Variants in ITGBL1 observed in about 807,000 individuals in gnomAD.
The protein encoded by ITGBL1 is integrin beta-like protein 1.
Under a neutral mutation model 68.5 loss-of-function variants are expected in ITGBL1, and 51 were observed. That is an observed-to-expected ratio of 0.74 (90% CI 0.59 to 0.94). ITGBL1 has a LOEUF of 0.94. ITGBL1 is among the 40% of genes least tolerant of loss of function. The probability of loss-of-function intolerance (pLI) is 0.00; values close to 1 mark genes in which losing one functional copy is unlikely to be tolerated. For synonymous variants in ITGBL1, 209 were observed against 227.3 expected, an observed-to-expected ratio of 0.92 and a Z score of 0.72; for missense variants, 649 against 647.4, an observed-to-expected ratio of 1.00 and a Z score of -0.03.
intron 7 of ITGBL1, among the ~76,000 whole-genome samples, chr13:101,678,475 A>G (rs1335070244): frequency 6.6e-6 from 1 of 150,972 alleles, no homozygotes; most frequent in Admixed American, 6.6e-5. Context: ...TGAAATGTGT[A>G]TTAAGGAAGT....
At chr13:101,642,882 A>G (rs1233610047) in intron 7 of ITGBL1, among the ~76,000 whole-genome samples, 53 of 151,592 alleles carry the variant, frequency 3.5e-4, no homozygotes, top group African/African-American at 1.0e-3. Flanking sequence ...GTAGATATGC[A>G]GCGTTATTTC....
rs550938527 is a variant in ITGBL1, at chr13:101,499,154, A to G, written c.316+45054A>G. ...TTCAGGCACAATTTTGCCTTGTGTT[A>G]TCTGTGCTCTAAGTTCATGCTGCTT... On this transcript the variant is annotated intron_variant, in intron 2 of 10. Coordinates refer to ENST00000376180, the MANE Select transcript of ITGBL1 (RefSeq NM_004791.3). Among the ~76,000 whole-genome samples, 231 of 152,290 alleles carry G rather than the reference A, an allele frequency of 1.5e-3. 2 individuals are homozygous for G. Among genetic ancestry groups the G allele is most frequent in the Non-Finnish European group, 2.7e-3 (183 of 68,004 alleles).
At chr13:101,663,590 T>C (rs876099) in intron 7 of ITGBL1, among the ~76,000 whole-genome samples, 53,289 of 152,044 alleles carry the variant, frequency 0.35, 10,115 homozygotes, top group East Asian at 0.55. Context: ...AAACATGAAA[T>C]TTATATTTTA....
At chr13:101,671,543 A>G (rs1164562830) in intron 7 of ITGBL1, among the ~76,000 whole-genome samples, 1 of 140,582 alleles carries the variant, frequency 7.1e-6, no homozygotes, top group East Asian at 2.2e-4. Flanking sequence ...GGTTCACGCC[A>G]TTCTCCTGCC....
chr13:101,696,491 C>T (rs2034005016), intron 8 of ITGBL1, among the ~76,000 whole-genome samples: 1 of 152,074 alleles, frequency 6.6e-6, no homozygotes, highest in Non-Finnish European at 1.5e-5. Context: ...TATGTTGCTC[C>T]CTTTGGAACA....
intron 6 of ITGBL1, among the ~76,000 whole-genome samples, chr13:101,583,618 G>A (rs189980444): frequency 1.0e-3 from 159 of 152,060 alleles, no homozygotes; most frequent in Non-Finnish European, 1.8e-3. Context: ...TTGCATGCCC[G>A]TATCAAAACA....
chr13:101,617,569 A>C (rs985774054), intron 7 of ITGBL1, among the ~76,000 whole-genome samples: 1 of 152,222 alleles, frequency 6.6e-6, no homozygotes, highest in African/African-American at 2.4e-5. Flanking sequence ...TTCTATGCTA[A>C]TCAAGTTTCA....
At chr13:101,654,246 G>A (rs987346647) in intron 7 of ITGBL1, among the ~76,000 whole-genome samples, 1 of 152,150 alleles carries the variant, frequency 6.6e-6, no homozygotes, top group African/African-American at 2.4e-5. Context: ...TGAAGTCCAA[G>A]TTTGGATTTT....
intron 7 of ITGBL1, among the ~76,000 whole-genome samples, chr13:101,631,114 C>T (rs2031964104): frequency 6.6e-6 from 1 of 152,112 alleles, no homozygotes; most frequent in South Asian, 2.1e-4. Flanking sequence ...TTAACTCTGT[C>T]CAACCAATAT....
intron 7 of ITGBL1, among the ~76,000 whole-genome samples, chr13:101,664,779 G>A (rs1464595490): frequency 6.6e-6 from 1 of 152,156 alleles, no homozygotes; most frequent in Non-Finnish European, 1.5e-5. Flanking sequence ...TGTTGCCCAG[G>A]CTGGAGTGCA....
rs140096821 is a variant in ITGBL1, at chr13:101,650,119, G to A, written c.1016-42466G>A. ...TTGTCCTCTTAATGCTCATGGTACT[G>A]TTGGGTCTCAGCTTTCTCATCAGAT... On this transcript the variant is annotated intron_variant, in intron 7 of 10. Coordinates refer to ENST00000376180, the MANE Select transcript of ITGBL1 (RefSeq NM_004791.3). 2.6e-5 allele frequency among the ~76,000 whole-genome samples: 4 copies of A among 152,218 alleles called. No homozygotes were observed. In the East Asian group the frequency reaches 7.7e-4, roughly 29 times the overall value.
intron 7 of ITGBL1, among the ~76,000 whole-genome samples, chr13:101,689,186 C>T (rs1302954449): frequency 9.4e-6 from 1 of 105,866 alleles, no homozygotes; most frequent in Non-Finnish European, 1.9e-5. Context: ...AGCACTCAAG[C>T]CTGGGGACAG....
At chr13:101,546,337 ATAGG>A (rs1282154599) in intron 2 of ITGBL1, among the ~76,000 whole-genome samples, 1 of 152,138 alleles carries the variant, frequency 6.6e-6, no homozygotes. Context: ...GTGTTAAACG[ATAGG>A]TAGGGTTTAT....
intron 8 of ITGBL1, among the ~76,000 whole-genome samples, chr13:101,706,470 TGAA>T (rs1489251627): frequency 1.3e-5 from 2 of 152,186 alleles, no homozygotes; most frequent in Admixed American, 6.5e-5. Context: ...AAAATGCAAA[TGAA>T]GAAGTATTTT....
intron 4 of ITGBL1, among the ~76,000 whole-genome samples, chr13:101,576,836 G>C (rs919286670): frequency 6.6e-6 from 1 of 151,992 alleles, no homozygotes; most frequent in Non-Finnish European, 1.5e-5. Context: ...GCAAGATGCT[G>C]CTCAGACAAT....
chr13:101,665,502 A>G lies in ITGBL1; in HGVS notation c.1016-27083A>G, dbSNP rs549617111. Among the ~76,000 whole-genome samples the G allele has an allele frequency of 3.6e-4, 55 of 152,300 alleles. 1 individual carries two copies. In the South Asian group the frequency reaches 0.01, roughly 29 times the overall value. ...TCTAGGGACCTTGCTAAATTAATTT[A>G]TTAATTGTATGTAGCTTCTTTTATA... On this transcript the variant is annotated intron_variant, in intron 7 of 10. Transcript: ENST00000376180.
intron 7 of ITGBL1, among the ~76,000 whole-genome samples, chr13:101,679,967 A>G (rs554729681): frequency 5.9e-5 from 9 of 152,334 alleles, no homozygotes; most frequent in Admixed American, 3.9e-4. Flanking sequence ...GTGTACTAAG[A>G]AAACACAAAT....
At chr13:101,627,636 C>T (rs1478667806) in intron 7 of ITGBL1, among the ~76,000 whole-genome samples, 1 of 152,182 alleles carries the variant, frequency 6.6e-6, no homozygotes, top group Non-Finnish European at 1.5e-5. Context: ...CTCCCTACAA[C>T]CCCTGGCAAG....
At chr13:101,563,227 C>T (rs2050129134) in intron 2 of ITGBL1, among the ~76,000 whole-genome samples, 1 of 150,314 alleles carries the variant, frequency 6.7e-6, no homozygotes, top group Non-Finnish European at 1.5e-5. Flanking sequence ...ATTTATACTT[C>T]TACCCTAGAA....
Sources: allele counts gnomAD v4.1 joint callset (sites outside exome capture counted in the v4.1 genomes callset), GRCh38; gene constraint gnomAD v4.1.1; transcripts MANE v1.5; gene names NCBI Gene and HGNC (gene_info 2026-07-23, HGNC 2026-07-21).